Variants in TDRD12 observed in about 807,000 individuals in gnomAD.
The protein encoded by TDRD12 is putative ATP-dependent RNA helicase TDRD12.
Under a neutral mutation model 133.5 loss-of-function variants are expected in TDRD12, and 158 were observed. The observed-to-expected ratio is 1.18, with a 90% CI of 1.04 to 1.35. TDRD12 has a LOEUF of 1.35. Ranked by LOEUF, TDRD12 falls within the 40% of genes most tolerant of loss-of-function variation. TDRD12 has a pLI of 0.00. For synonymous variants in TDRD12, 460 were observed against 477.9 expected, an observed-to-expected ratio of 0.96 and a Z score of 0.49; for missense variants, 1,443 against 1,321.3, an observed-to-expected ratio of 1.09 and a Z score of -1.43.
chr19:32,727,091 A>G (rs1168927482), intron 1 of TDRD12, among the ~76,000 whole-genome samples: 1 of 152,218 alleles, frequency 6.6e-6, no homozygotes, highest in Non-Finnish European at 1.5e-5. Flanking sequence ...CAGCCTTGCC[A>G]ACACATTATT....
chr19:32,810,719 G>A (rs1160235057), intron 23 of TDRD12, among the ~76,000 whole-genome samples: 1 of 152,108 alleles, frequency 6.6e-6, no homozygotes, highest in East Asian at 1.9e-4. Flanking sequence ...CTTGGTGATA[G>A]CCTTGAATTC....
intron 27 of TDRD12, among the ~76,000 whole-genome samples, 182 bp downstream of exon 27, chr19:32,818,339 G>GTGCTGGGCCAGGTCT (rs1397648187): frequency 1.6e-4 from 25 of 152,302 alleles, no homozygotes; most frequent in African/African-American, 6.0e-4. Flanking sequence ...AGACCCGGAG[G>GTGCTGGGCCAGGTCT]TGCTGGGCCA....
At chr19:32,826,413 A>C in intron 8 of TDRD12, 32 bp from the exon 31 acceptor site, 1 of 1,248,298 alleles carries the variant, frequency 8.0e-7, no homozygotes, top group Non-Finnish European at 1.0e-6. Flanking sequence ...AGCATTTTAA[A>C]AGGCTGACTT....
chr19:32,775,143 G>A (rs1313986727), intron 10 of TDRD12, among the ~76,000 whole-genome samples: 2 of 151,956 alleles, frequency 1.3e-5, no homozygotes, highest in South Asian at 2.1e-4. Context: ...TCCTTTTAGA[G>A]ACTCTGATGA....
At chr19:32,790,983 T>C in exon 13 of TDRD12, 1 of 1,536,042 alleles carries the variant, frequency 6.5e-7, no homozygotes, top group Middle Eastern at 1.7e-4. Context: ...CTGAAGGGCC[T>C]GCAGCCGCCC....
intron 9 of TDRD12, 67 bp downstream of exon 32, chr19:32,826,816 C>G (rs1233718517): frequency 2.0e-6 from 2 of 1,008,306 alleles, no homozygotes; most frequent in Non-Finnish European, 2.5e-6. Flanking sequence ...ACACCATCAC[C>G]CACTTAGGAA....
chr19:32,818,149 G>C (rs771899800), exon 27 of TDRD12: 26 of 702,136 alleles, frequency 3.7e-5, no homozygotes, highest in East Asian at 2.7e-4. Context: ...AGGAGCAGGG[G>C]GGGCAGGGGT....
intron 8 of TDRD12, among the ~76,000 whole-genome samples, chr19:32,761,971 G>A (rs532212073): frequency 6.6e-5 from 10 of 152,122 alleles, no homozygotes; most frequent in Admixed American, 1.3e-4. Context: ...CCCAAAGTGC[G>A]GGGATTACAG....
intron 11 of TDRD12, among the ~76,000 whole-genome samples, chr19:32,785,296 C>G (rs750375490): frequency 4.1e-4 from 62 of 152,156 alleles, no homozygotes; most frequent in Non-Finnish European, 7.1e-4. Flanking sequence ...ATCCTGAGTT[C>G]TAATTTGATT....
chr19:32,768,270 T>C (rs1294316771), intron 8 of TDRD12, among the ~76,000 whole-genome samples: 1 of 152,182 alleles, frequency 6.6e-6, no homozygotes, highest in Non-Finnish European at 1.5e-5. Context: ...CACAGAGACT[T>C]CAGATTTTGT....
At chr19:32,785,541 T>C (rs1011125267) in intron 11 of TDRD12, among the ~76,000 whole-genome samples, 4 of 152,178 alleles carry the variant, frequency 2.6e-5, no homozygotes, top group African/African-American at 4.8e-5. Flanking sequence ...CGTTGATCTG[T>C]CTAATATAGA....
At chr19:32,751,908 C>G (rs1173468902) in intron 6 of TDRD12, among the ~76,000 whole-genome samples, 2 of 152,020 alleles carry the variant, frequency 1.3e-5, no homozygotes, top group East Asian at 3.9e-4. Flanking sequence ...GAGTCTCACT[C>G]TGTTGCCCAG....
At chr19:32,810,093 A>T in exon 23 of TDRD12, 1 of 1,514,190 alleles carries the variant, frequency 6.6e-7, no homozygotes, top group Non-Finnish European at 8.8e-7. Flanking sequence ...TATGTTTCAG[A>T]TAATACCTTT....
intron 1 of TDRD12, among the ~76,000 whole-genome samples, chr19:32,724,819 A>G (rs1968807514): frequency 6.6e-6 from 1 of 152,188 alleles, no homozygotes; most frequent in South Asian, 2.1e-4. Flanking sequence ...GAATTAATTT[A>G]TACTCCCACC....
intron 22 of TDRD12, among the ~76,000 whole-genome samples, chr19:32,807,917 T>TG (rs1966883413): frequency 6.6e-6 from 1 of 152,136 alleles, no homozygotes; most frequent in South Asian, 2.1e-4. Flanking sequence ...TGTTTCTATT[T>TG]GGGGGCCATT....
At chr19:32,797,706 G>C (rs1387873867) in intron 14 of TDRD12, 29 bp from the exon 15 acceptor site, 2 of 645,090 alleles carry the variant, frequency 3.1e-6, no homozygotes, top group South Asian at 3.5e-5. Flanking sequence ...CTACTGTCTG[G>C]AGTCATTTGA....
At chr19:32,794,872 A>T in intron 14 of TDRD12, 59 bp downstream of exon 14, 1 of 673,728 alleles carries the variant, frequency 1.5e-6, no homozygotes, top group Admixed American at 2.2e-5. Flanking sequence ...TTTTAAAATT[A>T]TACACCTCAC....
At chr19:32,748,478 C>G (rs1000111922) in exon 5 of TDRD12, 1 of 1,551,540 alleles carries the variant, frequency 6.4e-7, no homozygotes, top group Non-Finnish European at 8.7e-7. Context: ...TGTTCCAGAC[C>G]TGCCAAGAAG....
chr19:32,790,762 G>GA, intron 12 of TDRD12, 171 bp downstream of exon 12: 1 of 1,512,252 alleles, frequency 6.6e-7, no homozygotes, highest in Non-Finnish European at 8.8e-7. Context: ...TTGCTTCTGA[G>GA]AAATTGTTCC....
Sources: allele counts gnomAD v4.1 joint callset (sites outside exome capture counted in the v4.1 genomes callset), GRCh38; gene constraint gnomAD v4.1.1; transcripts MANE v1.5; gene names NCBI Gene and HGNC (gene_info 2026-07-23, HGNC 2026-07-21).